UACA: variants seen among roughly 807,000 people sequenced by gnomAD.
UACA encodes uveal autoantigen with coiled-coil domains and ankyrin repeats.
UACA carries 112 observed loss-of-function variants against 160.5 expected under a neutral mutation model. That is an observed-to-expected ratio of 0.70 (90% CI 0.60 to 0.82). The LOEUF is 0.82. UACA is among the 40% of genes least tolerant of loss of function. The pLI, the probability that UACA is intolerant of heterozygous loss-of-function variation, is 0.00. For missense variants in UACA, 1,574 were observed against 1,614.6 expected (o/e 0.97, Z 0.43); for synonymous variants, 557 against 568.4 (o/e 0.98, Z 0.29).
intron 9 of UACA, 24 bp from the exon 10 acceptor site, chr15:70,679,700 CG>C: frequency 6.6e-7 from 1 of 1,507,808 alleles, no homozygotes; most frequent in African/African-American, 1.4e-5. Context: ...TAAGAAAACA[CG>C]GGTCAGCAAG....
intron 18 of UACA, among the ~76,000 whole-genome samples, chr15:70,659,196 C>G (rs1896590429): frequency 6.6e-6 from 1 of 151,954 alleles, no homozygotes; most frequent in Non-Finnish European, 1.5e-5. Context: ...AGCTAAGATC[C>G]CTTGTTCTAT....
At chr15:70,690,900 A>G (rs1349421555) in intron 4 of UACA, among the ~76,000 whole-genome samples, 1 of 152,182 alleles carries the variant, frequency 6.6e-6, no homozygotes, top group African/African-American at 2.4e-5. Flanking sequence ...TGGGAACTTT[A>G]GCCAACTAGT....
At chr15:70,736,595 C>T (rs1227209266) in intron 1 of UACA, among the ~76,000 whole-genome samples, 4 of 151,880 alleles carry the variant, frequency 2.6e-5, no homozygotes, top group Non-Finnish European at 5.9e-5. Context: ...CCACCACGCC[C>T]GGCTATTTTT....
At chr15:70,777,404 C>T in the UACA span, among the ~76,000 whole-genome samples, 1 of 152,100 alleles carries the variant, frequency 6.6e-6, no homozygotes, top group Non-Finnish European at 1.5e-5. Context: ...CATCAACATA[C>T]AGCTGGTAGG....
chr15:70,763,679 C>T, upstream of UACA: 1 of 435,706 alleles, frequency 2.3e-6, no homozygotes, highest in Non-Finnish European at 3.7e-6. Flanking sequence ...AACTGAGTAA[C>T]ACCCTTCCTC....
At chr15:70,666,620 G>A in intron 16 of UACA, 104 bp downstream of exon 16, 1 of 921,906 alleles carries the variant, frequency 1.1e-6, no homozygotes, top group Non-Finnish European at 1.5e-6. Context: ...ACTGGAAAGG[G>A]TCACTTTGTT....
intron 1 of UACA, among the ~76,000 whole-genome samples, chr15:70,741,706 T>C (rs994280585): frequency 2.0e-5 from 3 of 152,252 alleles, no homozygotes; most frequent in African/African-American, 7.2e-5. Flanking sequence ...GTATACTATG[T>C]GATTAAAACG....
the UACA span, among the ~76,000 whole-genome samples, chr15:70,771,660 T>C: frequency 6.6e-6 from 1 of 152,168 alleles, no homozygotes; most frequent in Non-Finnish European, 1.5e-5. Context: ...GGTAATGTGC[T>C]AGAGAACAAA....
chr15:70,702,864 G>C (rs1307248940), intron 1 of UACA, among the ~76,000 whole-genome samples: 1 of 152,064 alleles, frequency 6.6e-6, no homozygotes, highest in Non-Finnish European at 1.5e-5. Flanking sequence ...AGAATACATA[G>C]TGATGCATAC....
chr15:70,699,411 G>T (rs1030118353), intron 2 of UACA, 116 bp downstream of exon 2: 3 of 1,209,690 alleles, frequency 2.5e-6, no homozygotes, highest in African/African-American at 3.0e-5. Flanking sequence ...TTATAGTGCA[G>T]GTTTTGGCAG....
chr15:70,771,311 A>G, the UACA span, among the ~76,000 whole-genome samples: 1 of 152,230 alleles, frequency 6.6e-6, no homozygotes, highest in African/African-American at 2.4e-5. Context: ...CCAAGGCAAA[A>G]CAAAAAATAG....
intron 9 of UACA, among the ~76,000 whole-genome samples, chr15:70,680,384 A>G (rs1233662381): frequency 6.6e-6 from 1 of 152,124 alleles, no homozygotes; most frequent in Non-Finnish European, 1.5e-5. Flanking sequence ...ATTTCTTCCT[A>G]ATTAGGTTAA....
At chr15:70,777,692 C>T in the UACA span, among the ~76,000 whole-genome samples, 3 of 152,112 alleles carry the variant, frequency 2.0e-5, no homozygotes, top group Admixed American at 6.5e-5. Flanking sequence ...CCATTGGTAA[C>T]CTGGACCACG....
chr15:70,707,193 T>G (rs1898545637), intron 1 of UACA, among the ~76,000 whole-genome samples: 1 of 152,012 alleles, frequency 6.6e-6, no homozygotes, highest in African/African-American at 2.4e-5. Flanking sequence ...GAAAGAACAA[T>G]CTCCTCAACA....
intron 1 of UACA, among the ~76,000 whole-genome samples, chr15:70,721,503 T>A (rs368804884): frequency 8.6e-5 from 13 of 151,986 alleles, no homozygotes; most frequent in East Asian, 5.8e-4. Context: ...GGCGGGAGCC[T>A]GTAGTTCCAG....
intron 17 of UACA, among the ~76,000 whole-genome samples, chr15:70,661,975 A>G (rs1266466817): frequency 6.6e-5 from 10 of 152,250 alleles, no homozygotes; most frequent in African/African-American, 2.2e-4. Flanking sequence ...CTCTCTCGCC[A>G]CTCCTATTCA....
intron 1 of UACA, among the ~76,000 whole-genome samples, chr15:70,760,765 C>T (rs2030702603): frequency 6.6e-6 from 1 of 150,858 alleles, no homozygotes; most frequent in African/African-American, 2.4e-5. Context: ...CAAGATGGTC[C>T]CATTGCACTC....
At chr15:70,692,644 C>T (rs1897980655) in intron 3 of UACA, among the ~76,000 whole-genome samples, 1 of 152,038 alleles carries the variant, frequency 6.6e-6, no homozygotes, top group South Asian at 2.1e-4. Context: ...GTGGTGTATG[C>T]CTGTAGTCCC....
upstream of UACA, chr15:70,763,606 T>TGGC: frequency 8.7e-7 from 1 of 1,143,936 alleles, no homozygotes; most frequent in Non-Finnish European, 1.1e-6. Context: ...CCCGCTGCCC[T>TGGC]GGCGGGGGCG....
Sources: allele counts gnomAD v4.1 joint callset (sites outside exome capture counted in the v4.1 genomes callset), GRCh38; gene constraint gnomAD v4.1.1; transcripts MANE v1.5; gene names NCBI Gene and HGNC (gene_info 2026-07-23, HGNC 2026-07-21).